The following CFAP54 variants were observed in gnomAD, a reference collection of about 807,000 sequenced individuals.
CFAP54 encodes the protein cilia and flagella associated protein 54.
CFAP54 carries 290 observed loss-of-function variants against 370.4 expected under a neutral mutation model. That is an observed-to-expected ratio of 0.78 (90% confidence interval 0.71 to 0.86). CFAP54 has a LOEUF of 0.86. Ranked by LOEUF, CFAP54 falls within the 40% of genes least tolerant of loss-of-function variation. The probability of loss-of-function intolerance (pLI) is 0.00; values close to 1 mark genes in which losing one functional copy is unlikely to be tolerated. For missense variants in CFAP54, 3,399 were observed against 3,528.7 expected, an observed-to-expected ratio of 0.96 and a Z score of 0.93; for synonymous variants, 1,206 against 1,236.5, an observed-to-expected ratio of 0.98 and a Z score of 0.52.
chr12:96,576,825 G>T, intron 20 of CFAP54, 64 bp downstream of exon 20: 1 of 1,308,282 alleles, frequency 7.6e-7, no homozygotes. Context: ...TAACTACCAT[G>T]ATTCATACTT....
intron 14 of CFAP54, among the ~76,000 whole-genome samples, chr12:96,544,427 TC>T (rs1287244614): frequency 4.6e-5 from 7 of 151,420 alleles, no homozygotes; most frequent in South Asian, 4.2e-4. Flanking sequence ...TCTCTCTCTC[TC>T]TCTCTCTCTC....
At chr12:96,735,490 A>G (rs1488918536) in intron 50 of CFAP54, among the ~76,000 whole-genome samples, 11 of 152,206 alleles carry the variant, frequency 7.2e-5, no homozygotes, top group Non-Finnish European at 1.6e-4. Context: ...CATAGTTAAG[A>G]CTGAGAAATG....
At chr12:96,523,271 C>G (rs1592830514) in intron 8 of CFAP54, among the ~76,000 whole-genome samples, 1 of 152,196 alleles carries the variant, frequency 6.6e-6, no homozygotes, top group Non-Finnish European at 1.5e-5. Context: ...GAAAATAAAG[C>G]CTGCAATATT....
chr12:96,823,514 A>G lies in CFAP54; in HGVS notation c.9097-5500A>G, dbSNP rs760566073. Among the ~76,000 whole-genome samples, 7 of 152,204 alleles carry G rather than the reference A, an allele frequency of 4.6e-5. No homozygotes were observed. The South Asian group carries it at 1.4e-3, about 31-fold the overall frequency. ...AACTGAATCTCATATTCAGGAAACA[A>G]TAAGATCTGTTGTGGCAGAAGTACA... On this transcript the variant is annotated intron_variant, in intron 65 of 67. Coordinates refer to ENST00000524981, the MANE Select transcript of CFAP54 (RefSeq NM_001306084.2).
At chr12:96,574,685 TA>T (rs1321109038) in intron 19 of CFAP54, among the ~76,000 whole-genome samples, 1 of 152,102 alleles carries the variant, frequency 6.6e-6, no homozygotes, top group African/African-American at 2.4e-5. Flanking sequence ...TTCCTAATGT[TA>T]AACTGTCCTT....
chr12:96,755,106 G>T (rs139000938), intron 56 of CFAP54, among the ~76,000 whole-genome samples: 3 of 152,082 alleles, frequency 2.0e-5, no homozygotes, highest in Non-Finnish European at 4.4e-5. Flanking sequence ...GAGGGCCAGC[G>T]CATTTGCATT....
At chr12:96,635,414 C>CT (rs1208880316) in intron 32 of CFAP54, among the ~76,000 whole-genome samples, 1 of 152,042 alleles carries the variant, frequency 6.6e-6, no homozygotes, top group Admixed American at 6.6e-5. Context: ...TGTGTAGTAT[C>CT]TTTTTGCTCA....
rs1954855204 is a variant in CFAP54 at position 96,489,716 on chromosome 12, C to T, written c.107C>T (p.Pro36Leu). 1.3e-6 allele frequency: 2 copies of T among 1,536,108 alleles called. No individual in the cohort carries two copies. The highest frequency in any genetic ancestry group is 1.7e-6 in the Non-Finnish European group (2 of 1,146,892). The change falls in exon 1 of 68, where the codon CCA (proline) becomes CTA (leucine). Residue 36 changes from proline (P) to leucine (L), a missense_variant. Around this residue, in one of 3 missense-constraint regions of CFAP54, gnomAD observed 559 missense variants for 576.7 expected, o/e 0.97. Transcript: ENST00000524981. ...PTSTATSRSP[P>L]ESKGSSRSSL... ...TCCACCGCGACTTCGAGGTCGCCCC[C>T]AGAGTCGAAGGGGAGCTCCCGGAGC...
At position 96,684,593 on chromosome 12, in the gene CFAP54, A is replaced by G. The variant is rs528437887; in HGVS notation, c.5717-55A>G. On this transcript the variant is annotated intron_variant, in intron 40 of 67. Coordinates refer to ENST00000524981, the MANE Select transcript of CFAP54 (RefSeq NM_001306084.2). ...AGTTTAAAAAATTCTTGCAAATATA[A>G]AAAAATATTTTTCTAGGAACTGACA... The G allele has an allele frequency of 9.5e-6, 14 of 1,472,968 alleles. No homozygotes were observed. The African/African-American group carries it at 1.3e-4, about 13-fold the overall frequency. 91.2% of individuals were successfully genotyped at this position (1,472,968 alleles called of 1,614,324 possible). A position where few individuals can be genotyped will look rare whatever the true frequency, so the allele number is the denominator to read the frequency against.
Position 96,581,088 on chromosome 12 carries a change from C to T in CFAP54, c.3058C>T (p.Arg1020Trp), listed in dbSNP as rs532922300. 4.5e-4 allele frequency: 675 copies of T among 1,500,100 alleles called. 7 individuals carry two copies. The South Asian group carries it at 5.7e-3, about 13-fold the overall frequency. 92.9% of individuals were successfully genotyped at this position (1,500,100 alleles called of 1,614,324 possible). A position where few individuals can be genotyped will look rare whatever the true frequency, so the allele number is the denominator to read the frequency against. The change falls in exon 22 of 68, where the codon CGG becomes TGG. Residue 1020 changes from arginine to tryptophan, a missense_variant. Physicochemically the swap from Arg to Trp is moderately radical, Grantham distance 101 (BLOSUM62 -3). Around this residue, in one of 3 missense-constraint regions of CFAP54, gnomAD observed 2,796 missense variants for 2,869.7 expected, o/e 0.97. Transcript: ENST00000524981. Reference protein sequence around the residue: ...VYPPLSTITARMFLTQVAYQV... With the variant: ...VYPPLSTITAWMFLTQVAYQV... ...TCCCCCTCTTTCTACTATTACTGCT[C>T]GGATGTTCCTGACACAGGTAGAAAA...
intron 26 of CFAP54, among the ~76,000 whole-genome samples, chr12:96,599,358 A>G (rs889017593): frequency 4.6e-5 from 7 of 152,150 alleles, no homozygotes; most frequent in African/African-American, 1.4e-4. Flanking sequence ...TTATGGCTGC[A>G]TAGTATTCCA....
chr12:96,786,895 C>A lies in CFAP54; in HGVS notation c.8676C>A (p.Ala2892=). 1 of 1,521,404 alleles carries A rather than the reference C, an allele frequency of 6.6e-7. No individual in the cohort carries two copies. The highest frequency in any genetic ancestry group is 1.2e-5 in the South Asian group (1 of 82,120). The allele number at this position is 1,521,404 out of a possible 1,614,324, so 94.2% of individuals were successfully genotyped here. Residue 2892 remains alanine (A), a synonymous_variant, in exon 62 of 68, where the codon GCC becomes GCA. Coordinates refer to ENST00000524981, the MANE Select transcript of CFAP54 (RefSeq NM_001306084.2). Reference sequence around the variant, plus strand: ...AAAAAGACTTACGTGAATCATCTGCCAAGGTAACGTTTTTTGAAACATGAT... The same window carrying A: ...AAAAAGACTTACGTGAATCATCTGCAAAGGTAACGTTTTTTGAAACATGAT... ...LSEKDLRESS[A]KLYRDSSVQS...
chr12:96,533,712 C>A, intron 9 of CFAP54, 80 bp from the exon 10 acceptor site: 2 of 1,052,408 alleles, frequency 1.9e-6, no homozygotes, highest in Non-Finnish European at 1.3e-6. Context: ...TTTCCTGGTG[C>A]CTGAAAGTGT....
At chr12:96,568,119 A>G (rs1199687056) in intron 19 of CFAP54, among the ~76,000 whole-genome samples, 1 of 148,110 alleles carries the variant, frequency 6.8e-6, no homozygotes, top group African/African-American at 2.5e-5. Context: ...ATTTTGTAGC[A>G]TTTCAAGTCA....
At chr12:96,551,932 G>A (rs182623041) in intron 15 of CFAP54, among the ~76,000 whole-genome samples, 1 of 152,282 alleles carries the variant, frequency 6.6e-6, no homozygotes, top group African/African-American at 2.4e-5. Flanking sequence ...GCAGAGAAAA[G>A]GTGTAAGTAC....
At chr12:96,702,535 C>T (rs986590749) in intron 46 of CFAP54, among the ~76,000 whole-genome samples, 1 of 143,968 alleles carries the variant, frequency 6.9e-6, no homozygotes, top group African/African-American at 2.6e-5. Context: ...AGAGAGTTTT[C>T]AATGGTCACT....
At chr12:96,588,539 T>C (rs1436491860) in intron 22 of CFAP54, among the ~76,000 whole-genome samples, 1 of 152,222 alleles carries the variant, frequency 6.6e-6, no homozygotes, top group African/African-American at 2.4e-5. Context: ...TCATAAAAGC[T>C]TACTGGTTGG....
intron 39 of CFAP54, among the ~76,000 whole-genome samples, chr12:96,673,025 A>T (rs1362512159): frequency 6.6e-6 from 1 of 152,194 alleles, no homozygotes; most frequent in African/African-American, 2.4e-5. Flanking sequence ...AGGCTACAGT[A>T]ATCCTTTGGG....
chr12:96,870,492 T>G (rs1351977675), intron 67 of CFAP54, among the ~76,000 whole-genome samples: 1 of 152,212 alleles, frequency 6.6e-6, no homozygotes, highest in Non-Finnish European at 1.5e-5. Context: ...CCTTAACTTC[T>G]CTGTACTTCA....
Sources: allele counts gnomAD v4.1 joint callset (sites outside exome capture counted in the v4.1 genomes callset), GRCh38; gene constraint gnomAD v4.1.1; regional missense constraint gnomAD v4.1.1; transcripts MANE v1.5; gene names NCBI Gene and HGNC (gene_info 2026-07-23, HGNC 2026-07-21).